MICAL1: variants seen among roughly 807,000 people sequenced by gnomAD.
The protein encoded by MICAL1 is [F-actin]-monooxygenase MICAL1.
Under a neutral mutation model 131.8 loss-of-function variants are expected in MICAL1, and 95 were observed. The ratio of observed to expected loss-of-function variants is 0.72; its 90% CI spans 0.61 to 0.86. The LOEUF (loss-of-function observed/expected upper bound fraction) is 0.86. Among genes scored for constraint, MICAL1 ranks in the 40% least tolerant of loss-of-function variants. The pLI, the probability that MICAL1 is intolerant of heterozygous loss-of-function variation, is 0.00. For missense variants in MICAL1, 1,292 were observed against 1,380.6 expected (o/e 0.94, Z 1.02); for synonymous variants, 546 against 554.2 (o/e 0.99, Z 0.21).
At chr6:109,458,577 C>T (rs967636249), upstream of MICAL1, among the ~76,000 whole-genome samples, 6 of 151,972 alleles carry the variant, frequency 3.9e-5, no homozygotes, top group Admixed American at 1.3e-4. Context: ...GCCTGGGCAA[C>T]GAGGGTGAAA....
Position 109,446,183 on chromosome 6 carries a change from A to G in MICAL1, c.2534T>C (p.Leu845Pro). Reference sequence around the variant, plus strand: ...GCCCCAGCCCACAAAGCTGCTCTCCAGGGCGTGGCGGGCCAAGGCGGAGCA... The same window carrying G: ...GCCCCAGCCCACAAAGCTGCTCTCCGGGGCGTGGCGGGCCAAGGCGGAGCA... ...RSCSALARHA[L>P]ESSFVGWGLP... Residue 845 changes from leucine (L) to proline (P), a missense_variant, in exon 19 of 25, where the codon CTG (leucine) becomes CCG (proline). Transcript: ENST00000358807. 6.3e-7 allele frequency: 1 copy of G among 1,584,778 alleles called. No homozygotes were observed. Among genetic ancestry groups the G allele is most frequent in the South Asian group, 1.1e-5 (1 of 87,336 alleles).
At chr6:109,457,166 G>A (rs573329107), upstream of MICAL1, among the ~76,000 whole-genome samples, 4 of 152,312 alleles carry the variant, frequency 2.6e-5, no homozygotes, top group East Asian at 7.7e-4. Flanking sequence ...AGCAGGCAGT[G>A]GGACGAAAGC....
chr6:109,454,281 A>T (rs1178372768), intron 1 of MICAL1, 42 bp from the exon 2 acceptor site: 7 of 1,494,060 alleles, frequency 4.7e-6, no homozygotes, highest in African/African-American at 1.4e-5. Context: ...TGGAGAACAG[A>T]AGAAATAAAA....
At position 109,453,993 on chromosome 6, in the gene MICAL1, G is replaced by T. The variant is rs769740170; in HGVS notation, c.204C>A (p.Asp68Glu). Residue 68 changes from aspartate to glutamate, a missense_variant, in exon 2 of 25, where the codon GAC (aspartate) becomes GAA (glutamate). Asp to Glu is a conservative substitution (Grantham distance 45). Transcript: ENST00000358807. ...GGTAGACAGGCTGGCCTGCTCGCTTGTCCAGCTTGGTCCACAGTGACTTGG... is the reference window on the plus strand; with the variant it reads ...GGTAGACAGGCTGGCCTGCTCGCTTTTCCAGCTTGGTCCACAGTGACTTGG... ...WSAKSLWTKL[D>E]KRAGQPVYQQ... is the part of the protein sequence containing the mutation. The T allele has an allele frequency of 3.8e-5, 62 of 1,613,992 alleles. No individual in the cohort carries two copies. The highest frequency in any genetic ancestry group is 5.2e-5 in the Non-Finnish European group (61 of 1,180,056).
In MICAL1 at chr6:109,449,390, G is replaced by A; in HGVS notation, c.1516+10C>T. 1.2e-6 allele frequency: 2 copies of A among 1,614,182 alleles called. No homozygotes were observed. ...ATTTTGGTCACCCCTTGGGAGGAAGGCCTGCTCACCGGTGGCTGGCATCCC... is the reference window on the plus strand; with the variant it reads ...ATTTTGGTCACCCCTTGGGAGGAAGACCTGCTCACCGGTGGCTGGCATCCC... On this transcript the variant is annotated intron_variant, in intron 11 of 24. Transcript: ENST00000358807.
chr6:109,446,187 C>T lies in MICAL1; in HGVS notation c.2530G>A (p.Ala844Thr), dbSNP rs779062389. 23 of 1,585,838 alleles carry T rather than the reference C, an allele frequency of 1.5e-5. No homozygotes were observed. Among genetic ancestry groups the T allele is most frequent in the South Asian group, 1.3e-4 (11 of 87,616 alleles). ...PRSCSALARH[A>T]LESSFVGWGL... ...CAGCCCACAAAGCTGCTCTCCAGGG[C>T]GTGGCGGGCCAAGGCGGAGCAGCTG... is the stretch of plus-strand genomic sequence containing the variant. The change falls in exon 19 of 25, where the codon GCC becomes ACC. Residue 844 changes from alanine to threonine, a missense_variant. Transcript: ENST00000358807.
Position 109,450,318 on chromosome 6 carries a change from C to T in MICAL1, c.1173G>A (p.Val391=), listed in dbSNP as rs1398285421. 1 of 1,608,318 alleles carries T rather than the reference C, an allele frequency of 6.2e-7. No individual in the cohort carries two copies. Among genetic ancestry groups the T allele is most frequent in the Non-Finnish European group, 8.5e-7 (1 of 1,175,900 alleles). Residue 391 remains valine, a synonymous_variant, in exon 8 of 25, where the codon GTG becomes GTA. Transcript: ENST00000358807. ...CCCTCACCTCCACCAGGCAGTCCCC[C>T]ACCAGTCCCAGCAGCAGGCGGGCGC... The part of the protein sequence containing the change: ...KHGARLLLGL[V]GDCLVEPFWP...
intron 1 of MICAL1, 39 bp from the exon 2 acceptor site, chr6:109,454,278 CA>C: frequency 6.7e-7 from 1 of 1,502,628 alleles, no homozygotes; most frequent in Non-Finnish European, 8.9e-7. Context: ...GGCTGGAGAA[CA>C]GAAGAAATAA....
intron 7 of MICAL1, 120 bp from the exon 8 acceptor site, chr6:109,450,677 T>G (rs1775503392): frequency 1.8e-6 from 2 of 1,113,102 alleles, no homozygotes; most frequent in Non-Finnish European, 1.2e-6. Context: ...GGGGCTGCCC[T>G]AGACTACACA....
chr6:109,446,041 C>T (rs906036678), intron 19 of MICAL1, 95 bp downstream of exon 19: 7 of 1,483,372 alleles, frequency 4.7e-6, no homozygotes, highest in East Asian at 4.7e-5. Flanking sequence ...GGGATCCCCA[C>T]AACTTCCCTC....
At chr6:109,459,552 C>A (rs533847134), upstream of MICAL1, among the ~76,000 whole-genome samples, 1 of 152,288 alleles carries the variant, frequency 6.6e-6, no homozygotes, top group East Asian at 1.9e-4. Context: ...GGCCCCCATT[C>A]TTTCCTATTT....
intron 3 of MICAL1, 65 bp downstream of exon 3, chr6:109,453,573 T>C: frequency 6.5e-7 from 1 of 1,534,590 alleles, no homozygotes; most frequent in Non-Finnish European, 8.8e-7. Flanking sequence ...GTCCCAGCAT[T>C]TCCCCACTGG....
upstream of MICAL1, chr6:109,456,061 G>C (rs1397546320): frequency 3.1e-6 from 3 of 983,026 alleles, no homozygotes; most frequent in Non-Finnish European, 3.6e-6. Context: ...GGGCCTCTGG[G>C]TGGGTCTGGC....
At chr6:109,445,746 T>A in intron 20 of MICAL1, 25 bp downstream of exon 20, 1 of 1,601,486 alleles carries the variant, frequency 6.2e-7, no homozygotes, top group Non-Finnish European at 8.5e-7. Flanking sequence ...GAGAGCGTTT[T>A]GTGGCTGCAC....
chr6:109,449,625 G>C, intron 10 of MICAL1, 32 bp downstream of exon 10: 1 of 1,588,752 alleles, frequency 6.3e-7, no homozygotes, highest in Admixed American at 1.7e-5. Context: ...GGGTTGGCTT[G>C]GGAAGGCTGG....
rs114630860 is a variant in MICAL1, at chr6:109,444,177, C to A, written c.*14G>T. 6.2e-7 allele frequency: 1 copy of A among 1,607,324 alleles called. No individual in the cohort carries two copies. Among genetic ancestry groups the A allele is most frequent in the Non-Finnish European group, 8.5e-7 (1 of 1,177,676 alleles). ...CTTTCTTTGTGGGAACGAAAGCAGA[C>A]GGCCCACCCTCGTCTAGCCCTGGGC... On this transcript the variant is annotated 3_prime_UTR_variant, in exon 25 of 25. Coordinates refer to ENST00000358807, the MANE Select transcript of MICAL1 (RefSeq NM_022765.4).
upstream of MICAL1, chr6:109,456,000 T>G (rs1775735587): frequency 2.0e-6 from 2 of 985,884 alleles, no homozygotes; most frequent in Non-Finnish European, 2.4e-6. This position sits in a 1 kb window ranked among gnomAD's most constrained non-coding sequence, Gnocchi z 4.7. Flanking sequence ...CGCCCATGCC[T>G]GCAGGGTGGC....
chr6:109,446,630 G>T, intron 18 of MICAL1, 66 bp downstream of exon 18: 1 of 1,535,100 alleles, frequency 6.5e-7, no homozygotes, highest in Non-Finnish European at 8.9e-7. Flanking sequence ...CCAGCAAAGC[G>T]CTGGTTTGAC....
Position 109,444,093 on chromosome 6 carries a change from C to T in MICAL1, c.*98G>A. On this transcript the variant is annotated 3_prime_UTR_variant, in exon 25 of 25. Transcript: ENST00000358807. ...GCAGAAACATTTTAATTGTAAACAG[C>T]AAGGCTCTCTGCCAGGCAGCCCAGA... 1 of 1,517,558 alleles carries T rather than the reference C, an allele frequency of 6.6e-7. No homozygotes were observed. Among genetic ancestry groups the T allele is most frequent in the Non-Finnish European group, 8.8e-7 (1 of 1,136,784 alleles). The allele number at this position is 1,517,558 out of a possible 1,614,324, so 94.0% of individuals were successfully genotyped here.
Sources: gnomAD v4.1 joint callset for allele counts (sites outside exome capture counted in the v4.1 genomes callset) on GRCh38, gnomAD v4.1.1 for gene constraint, Gnocchi (gnomAD v3.1) non-coding constraint, MANE v1.5 for transcripts, NCBI Gene and HGNC (gene_info 2026-07-23, HGNC 2026-07-21) for gene names.